Variants in RPL23A observed in about 807,000 individuals in gnomAD.
RPL23A encodes ribosomal protein L23a.
A neutral mutation model predicts 17.6 loss-of-function variants in RPL23A; 2 were observed. The ratio of observed to expected loss-of-function variants is 0.11; its 90% CI spans 0.05 to 0.36. The LOEUF is 0.36. RPL23A is among the 10% of genes least tolerant of loss of function. The pLI is 1.00. For missense variants in RPL23A, 132 were observed against 194.4 expected (o/e 0.68, Z 1.91); for synonymous variants, 65 against 74.3 (o/e 0.87, Z 0.65).
intron 1 of RPL23A, 195 bp downstream of exon 1, chr17:28,720,225 T>TG (rs35537717): frequency 0.097 from 146,357 of 1,501,284 alleles, 5,762 homozygotes; most frequent in African/African-American, 0.17. Flanking sequence ...TAGAGGGAGT[T>TG]GGGGGGGGGC....
At chr17:28,722,931 C>A (rs762470115) in intron 3 of RPL23A, 32 bp downstream of exon 3, 4 of 1,598,680 alleles carry the variant, frequency 2.5e-6, no homozygotes, top group Non-Finnish European at 3.4e-6. Flanking sequence ...GGGGAGCAGG[C>A]TGGACCAGCA....
intron 1 of RPL23A, 144 bp downstream of exon 1, chr17:28,720,174 A>G (rs763194820): frequency 5.2e-6 from 8 of 1,526,344 alleles, no homozygotes; most frequent in Non-Finnish European, 7.1e-6. Context: ...GCTGCAGTAT[A>G]CGTGGGCCGC....
intron 3 of RPL23A, chr17:28,723,337 C>T (rs771995550): frequency 8.2e-5 from 59 of 718,414 alleles, no homozygotes; most frequent in Non-Finnish European, 1.3e-4. Context: ...AACTAGAGTG[C>T]GACACGTGGC....
chr17:28,722,399 G>A (rs1458716695), intron 2 of RPL23A: 5 of 425,670 alleles, frequency 1.2e-5, no homozygotes, highest in East Asian at 5.5e-5. Flanking sequence ...GGATGGTCAC[G>A]ATCTCTTGAC....
intron 1 of RPL23A, 29 bp from the exon 2 acceptor site, chr17:28,720,678 C>T: frequency 1.6e-5 from 25 of 1,612,762 alleles, no homozygotes; most frequent in Non-Finnish European, 2.1e-5. Flanking sequence ...CTAAATCCCG[C>T]ACCCACGTTT....
chr17:28,720,231 G>GT, intron 1 of RPL23A: 6 of 1,539,130 alleles, frequency 3.9e-6, no homozygotes, highest in South Asian at 2.4e-5. Flanking sequence ...GAGTTGGGGG[G>GT]GGGCAACGCG....
At chr17:28,721,048 A>G in intron 2 of RPL23A, 158 bp downstream of exon 2, 1 of 703,012 alleles carries the variant, frequency 1.4e-6, no homozygotes, top group Admixed American at 2.8e-5. Flanking sequence ...TGCATTTACA[A>G]AACTGGCAGG....
At position 28,724,059 on chromosome 17, in the gene RPL23A, C is replaced by G. The variant is rs1253753615; in HGVS notation, c.*178C>G. On this transcript the variant is annotated 3_prime_UTR_variant, in exon 5 of 5. Transcript: ENST00000422514. ...TGAAATACCTCACCCTGCCACTCCA[C>G]CATGTATGATCATTCCAGAGATCTT... The G allele has an allele frequency of 3.6e-6, 2 of 556,244 alleles. No individual in the cohort carries two copies. Among genetic ancestry groups the G allele is most frequent in the South Asian group, 2.8e-5 (1 of 36,314 alleles). The allele number at this position is 556,244 out of a possible 1,614,324, so 34.5% of individuals were successfully genotyped here.
chr17:28,720,481 C>T, intron 1 of RPL23A: 5 of 1,591,224 alleles, frequency 3.1e-6, no homozygotes, highest in South Asian at 2.2e-5. Flanking sequence ...AGCGTTCATT[C>T]AGTGCTACTT....
Position 28,720,888 on chromosome 17 carries a change from C to A in RPL23A, c.207C>A (p.Asn69Lys). The part of the protein sequence containing the change: ...KYPRKSAPRR[N>K]KLDHYAIIKF... Reference sequence around the variant, plus strand: ...CTCGGAAGAGCGCTCCCAGGAGAAACAAGTCAGTACTGCCCCCTGTACCCA... The same window carrying A: ...CTCGGAAGAGCGCTCCCAGGAGAAAAAAGTCAGTACTGCCCCCTGTACCCA... Residue 69 changes from asparagine (N) to lysine (K), a missense_variant and splice_region_variant, in exon 2 of 5, where the codon AAC (asparagine) becomes AAA (lysine). Physicochemically the swap from Asn to Lys is moderately conservative, Grantham distance 94. Around this residue, in one of 2 missense-constraint regions of RPL23A, gnomAD observed 69 missense variants for 145.5 expected, o/e 0.47. Coordinates refer to ENST00000422514, the MANE Select transcript of RPL23A (RefSeq NM_000984.6). 1.9e-6 allele frequency: 3 copies of A among 1,613,432 alleles called. No homozygotes were observed. Among genetic ancestry groups the A allele is most frequent in the Non-Finnish European group, 2.5e-6 (3 of 1,179,536 alleles).
intron 1 of RPL23A, 165 bp from the exon 2 acceptor site, chr17:28,720,542 C>G: frequency 1.4e-6 from 2 of 1,425,736 alleles, no homozygotes; most frequent in Non-Finnish European, 2.0e-6. Flanking sequence ...GCTTTCGCCT[C>G]TGGTATCGTG....
At chr17:28,722,514 C>A in intron 2 of RPL23A, 1 of 718,492 alleles carries the variant, frequency 1.4e-6, no homozygotes, top group Non-Finnish European at 2.6e-6. Flanking sequence ...TTGTAAGAGC[C>A]CTTCAAGAGA....
intron 1 of RPL23A, 106 bp downstream of exon 1, chr17:28,720,136 C>G: frequency 6.5e-7 from 1 of 1,526,898 alleles, no homozygotes; most frequent in Non-Finnish European, 8.9e-7. Context: ...GGGCTCTGCT[C>G]CGGGGCTGCT....
At chr17:28,723,828 A>G in intron 4 of RPL23A, 39 bp from the exon 5 acceptor site, 1 of 1,590,818 alleles carries the variant, frequency 6.3e-7, no homozygotes, top group Non-Finnish European at 8.6e-7. Flanking sequence ...TAATCTTCAT[A>G]TTTCAACTCC....
intron 3 of RPL23A, chr17:28,723,221 T>A (rs1268104522): frequency 1.9e-6 from 1 of 532,580 alleles, no homozygotes; most frequent in Non-Finnish European, 3.4e-6. Context: ...GAGGCAGGAA[T>A]TACAGGCTGC....
chr17:28,722,639 G>A (rs761861957), intron 2 of RPL23A, 84 bp from the exon 3 acceptor site: 21 of 1,098,544 alleles, frequency 1.9e-5, no homozygotes, highest in East Asian at 4.7e-5. Flanking sequence ...TTGGTACCTC[G>A]TTGTCTGATG....
intron 2 of RPL23A, chr17:28,722,263 AG>A: frequency 9.5e-6 from 2 of 210,322 alleles, no homozygotes; most frequent in East Asian, 1.1e-4. Flanking sequence ...AAAAAAAAAA[AG>A]GAATTTGCCC....
intron 1 of RPL23A, 65 bp downstream of exon 1, chr17:28,720,095 T>C (rs2034074083): frequency 1.3e-6 from 2 of 1,544,116 alleles, no homozygotes; most frequent in Admixed American, 2.0e-5. Context: ...AGCGAACGAA[T>C]TGGGAACACG....
chr17:28,720,786 C>A lies in RPL23A; in HGVS notation c.105C>A (p.His35Gln). The change falls in exon 2 of 5, where the codon CAC (histidine) becomes CAA (glutamine). Residue 35 changes from histidine to glutamine, a missense_variant. By Grantham distance (24) the His-to-Gln change is conservative. Transcript: ENST00000422514. Reference protein sequence around the residue: ...KKAVLKGVHSHKKKKIRTSPT... With the variant: ...KKAVLKGVHSQKKKKIRTSPT... ...CAGTGTTGAAAGGTGTCCACAGCCA[C>A]AAAAAGAAGAAGATCCGCACGTCAC... 2 of 1,613,136 alleles carry A rather than the reference C, an allele frequency of 1.2e-6. No individual in the cohort carries two copies. Among genetic ancestry groups the A allele is most frequent in the Non-Finnish European group, 1.7e-6 (2 of 1,179,086 alleles).
Sources: allele counts gnomAD v4.1 joint callset, GRCh38; gene constraint gnomAD v4.1.1; regional missense constraint gnomAD v4.1.1; transcripts MANE v1.5; gene names NCBI Gene and HGNC (gene_info 2026-07-23, HGNC 2026-07-21).